The following KLF12 variants were observed in gnomAD, a reference collection of about 807,000 sequenced individuals.
KLF12 encodes the protein Krueppel-like factor 12.
KLF12 carries 9 observed loss-of-function variants against 37.8 expected under a neutral mutation model. That is an observed-to-expected ratio of 0.24 (90% CI 0.14 to 0.42). The LOEUF (loss-of-function observed/expected upper bound fraction) is 0.42. KLF12 is among the 10% of genes least tolerant of loss of function. The probability of loss-of-function intolerance (pLI) is 1.00; values close to 1 mark genes in which losing one functional copy is unlikely to be tolerated. For missense variants in KLF12, 411 were observed against 516.0 expected, an observed-to-expected ratio of 0.80 and a Z score of 1.97; for synonymous variants, 208 against 202.1, an observed-to-expected ratio of 1.03 and a Z score of -0.25.
At chr13:73,773,271 C>T (rs186139267) in intron 5 of KLF12, among the ~76,000 whole-genome samples, 19 of 152,238 alleles carry the variant, frequency 1.2e-4, no homozygotes, top group African/African-American at 4.3e-4. Context: ...TCTCGATTGA[C>T]TTTAAACCTC....
At chr13:73,968,514 G>A (rs992166413) in intron 2 of KLF12, among the ~76,000 whole-genome samples, 6 of 152,124 alleles carry the variant, frequency 3.9e-5, no homozygotes, top group Non-Finnish European at 7.4e-5. Context: ...TCAAGCCACC[G>A]AAGAAGAGAA....
At chr13:74,300,697 A>G in the KLF12 span, among the ~76,000 whole-genome samples, 1 of 152,156 alleles carries the variant, frequency 6.6e-6, no homozygotes, top group Non-Finnish European at 1.5e-5. Flanking sequence ...GCAGTTTGAG[A>G]TTAATTTTCT....
intron 5 of KLF12, among the ~76,000 whole-genome samples, chr13:73,775,592 GT>G (rs1880562094): frequency 6.6e-6 from 1 of 152,074 alleles, no homozygotes; most frequent in Non-Finnish European, 1.5e-5. Context: ...TAAGGTTCTA[GT>G]TCTTTATTAC....
At position 73,962,109 on chromosome 13, in the gene KLF12, T is replaced by G. The variant is rs111635596; in HGVS notation, c.34-18039A>C. The G allele has an allele frequency of 9.3e-6, 4 of 431,992 alleles. No homozygotes were observed. In the Admixed American group the frequency reaches 1.0e-4, roughly 11 times the overall value. 26.8% of individuals were successfully genotyped at this position (431,992 alleles called of 1,614,324 possible). A position where few individuals can be genotyped will look rare whatever the true frequency, so the allele number is the denominator to read the frequency against. ...CATTAGGTGAATGGATAAACTGTGG[T>G]ACATCCAGACAATGGAATATTAATC... On this transcript the variant is annotated intron_variant, in intron 2 of 7. Coordinates refer to ENST00000377669, the MANE Select transcript of KLF12 (RefSeq NM_007249.5).
chr13:73,801,205 T>C (rs541759658), intron 5 of KLF12: 1 of 152,208 alleles, frequency 6.6e-6, no homozygotes, highest in African/African-American at 2.4e-5. Flanking sequence ...TAAGTAAATG[T>C]ATTCAATGAG....
chr13:73,846,030 C>A lies in KLF12; in HGVS notation c.467G>T (p.Gly156Val), dbSNP rs146327323. Residue 156 changes from glycine (G) to valine (V), a missense_variant, in exon 4 of 8, where the codon GGA becomes GTA. Around this residue, in one of 2 missense-constraint regions of KLF12, gnomAD observed 351 missense variants for 397.8 expected, o/e 0.88. Transcript: ENST00000377669. Reference sequence around the variant, plus strand: ...GATAATGTGCAAAAACTGCTGGCCTCCAACACCAGATGCAGAGGCCACAAG... The same window carrying A: ...GATAATGTGCAAAAACTGCTGGCCTACAACACCAGATGCAGAGGCCACAAG... 6.2e-7 allele frequency: 1 copy of A among 1,613,976 alleles called. No homozygotes were observed. Among genetic ancestry groups the A allele is most frequent in the African/African-American group, 1.3e-5 (1 of 74,926 alleles).
chr13:73,974,768 A>G (rs1891459752), intron 2 of KLF12, among the ~76,000 whole-genome samples: 1 of 152,222 alleles, frequency 6.6e-6, no homozygotes, highest in Non-Finnish European at 1.5e-5. Flanking sequence ...ATTTTCTTAA[A>G]ATTATTTGAC....
intron 6 of KLF12, among the ~76,000 whole-genome samples, chr13:73,752,250 T>C (rs998281386): frequency 6.6e-6 from 1 of 152,184 alleles, no homozygotes; most frequent in Non-Finnish European, 1.5e-5. Flanking sequence ...CCCAAAGTGT[T>C]GGGATTACAG....
intron 6 of KLF12, among the ~76,000 whole-genome samples, chr13:73,738,144 T>C (rs9543439): frequency 9.3e-6 from 1 of 107,020 alleles, no homozygotes; most frequent in Non-Finnish European, 1.9e-5. Flanking sequence ...CACATATATA[T>C]ACACACACAC....
At chr13:73,797,769 C>CAA (rs34644776) in intron 5 of KLF12, among the ~76,000 whole-genome samples, 124 of 71,100 alleles carry the variant, frequency 1.7e-3, no homozygotes, top group Admixed American at 2.1e-3. Flanking sequence ...GATCCTGTCT[C>CAA]AAAAAAAAAA....
At position 73,695,673 on chromosome 13, in the gene KLF12, T is replaced by C; in HGVS notation, c.1028-2A>G. 6.2e-7 allele frequency: 1 copy of C among 1,613,496 alleles called. No homozygotes were observed. The highest frequency in any genetic ancestry group is 8.5e-7 in the Non-Finnish European group (1 of 1,179,550). On this transcript the variant is annotated splice_acceptor_variant, in intron 7 of 7. Transcript: ENST00000377669. LOFTEE classifies it high-confidence loss of function. ...AGGTACACTTGTAAGGTTTCTCTCC[T>C]GGAAGAAACAAAGGAACACAAGCTT...
chr13:73,996,030 T>C (rs1461768968), intron 1 of KLF12, among the ~76,000 whole-genome samples: 2 of 152,186 alleles, frequency 1.3e-5, no homozygotes, highest in Non-Finnish European at 2.9e-5. Context: ...TATGTTTCCA[T>C]ACATTTGAAA....
chr13:73,765,790 T>C (rs185813967), intron 5 of KLF12, among the ~76,000 whole-genome samples: 6 of 152,154 alleles, frequency 3.9e-5, no homozygotes, highest in African/African-American at 1.2e-4. Flanking sequence ...CTTCCTGTTA[T>C]GGTCTGTCTT....
chr13:74,221,608 T>G, the KLF12 span, among the ~76,000 whole-genome samples: 2 of 152,214 alleles, frequency 1.3e-5, no homozygotes, highest in Non-Finnish European at 2.9e-5. Context: ...TATTACTCTA[T>G]TTTTTCTTTG....
At chr13:73,827,195 T>C (rs1374401222) in intron 4 of KLF12, among the ~76,000 whole-genome samples, 1 of 152,238 alleles carries the variant, frequency 6.6e-6, no homozygotes, top group African/African-American at 2.4e-5. Flanking sequence ...CAGTATTAGT[T>C]ATCTATCCTT....
At chr13:73,804,820 G>C (rs1882473961) in intron 5 of KLF12, among the ~76,000 whole-genome samples, 1 of 152,114 alleles carries the variant, frequency 6.6e-6, no homozygotes, top group Non-Finnish European at 1.5e-5. Flanking sequence ...ATATTTCTTT[G>C]GTAGTCTCTG....
At chr13:73,764,201 TTTC>T (rs1325875183) in intron 6 of KLF12, among the ~76,000 whole-genome samples, 1 of 152,174 alleles carries the variant, frequency 6.6e-6, no homozygotes, top group African/African-American at 2.4e-5. Context: ...AGTTCATTTT[TTTC>T]TTTTTAGTTT....
At chr13:73,823,463 G>C (rs1398046307) in intron 4 of KLF12, among the ~76,000 whole-genome samples, 1 of 152,162 alleles carries the variant, frequency 6.6e-6, no homozygotes, top group Non-Finnish European at 1.5e-5. Flanking sequence ...TAGAGAATCA[G>C]TGTTGCTGTC....
chr13:73,923,550 C>T (rs1269932457), intron 3 of KLF12, among the ~76,000 whole-genome samples: 1 of 152,204 alleles, frequency 6.6e-6, no homozygotes, highest in Non-Finnish European at 1.5e-5. Flanking sequence ...GGCAGACATT[C>T]TGAGGGTCAG....
Sources: allele counts gnomAD v4.1 joint callset (sites outside exome capture counted in the v4.1 genomes callset), GRCh38; gene constraint gnomAD v4.1.1; regional missense constraint gnomAD v4.1.1; transcripts MANE v1.5; gene names NCBI Gene and HGNC (gene_info 2026-07-23, HGNC 2026-07-21).